TNS3: variants seen among roughly 807,000 people sequenced by gnomAD.
TNS3 encodes the protein tensin 3.
Under a neutral mutation model 140.9 loss-of-function variants are expected in TNS3, and 45 were observed. The ratio of observed to expected loss-of-function variants is 0.32; its 90% CI spans 0.25 to 0.41. The LOEUF is 0.41. Among genes scored for constraint, TNS3 ranks in the 10% least tolerant of loss-of-function variants. The probability of loss-of-function intolerance (pLI) is 1.00; values close to 1 mark genes in which losing one functional copy is unlikely to be tolerated. For synonymous variants in TNS3, 815 were observed against 788.4 expected (o/e 1.03, Z -0.56); for missense variants, 1,716 against 1,906.7 (o/e 0.90, Z 1.86).
intron 1 of TNS3, among the ~76,000 whole-genome samples, chr7:47,564,648 A>AC (rs1349376184): frequency 0.067 from 1,180 of 17,510 alleles, 26 homozygotes; most frequent in African/African-American, 0.11. Context: ...AAAAAAAAAA[A>AC]ACAAAAAAAA....
chr7:47,519,015 TA>T (rs1798874621), intron 2 of TNS3, among the ~76,000 whole-genome samples: 1 of 152,212 alleles, frequency 6.6e-6, no homozygotes, highest in South Asian at 2.1e-4. Flanking sequence ...AGAGTCCTTT[TA>T]CGTCCCTTGA....
chr7:47,573,342 C>G (rs912561472), intron 1 of TNS3, among the ~76,000 whole-genome samples: 1 of 152,222 alleles, frequency 6.6e-6, no homozygotes, highest in African/African-American at 2.4e-5. Flanking sequence ...ACCTCCCACC[C>G]TGGGGACACC....
At chr7:47,322,213 C>CAAA (rs759875153) in intron 20 of TNS3, among the ~76,000 whole-genome samples, 1,256 of 49,878 alleles carry the variant, frequency 0.025, 124 homozygotes, top group African/African-American at 0.093. Context: ...GTAGAACGGG[C>CAAA]AAAAAAAAAA....
At chr7:47,384,332 C>T (rs942649689) in intron 16 of TNS3, among the ~76,000 whole-genome samples, 2 of 152,242 alleles carry the variant, frequency 1.3e-5, no homozygotes, top group Non-Finnish European at 2.9e-5. Context: ...AGAACACTTT[C>T]ACCCAAAACT....
At chr7:47,398,608 G>C (rs894717487) in intron 15 of TNS3, among the ~76,000 whole-genome samples, 4 of 152,076 alleles carry the variant, frequency 2.6e-5, no homozygotes, top group Admixed American at 2.6e-4. Flanking sequence ...AAAGGCATTC[G>C]ATAAAATCTA....
chr7:47,342,556 T>C (rs567191780), intron 20 of TNS3, among the ~76,000 whole-genome samples: 2 of 152,378 alleles, frequency 1.3e-5, no homozygotes, highest in Middle Eastern at 3.4e-3. Flanking sequence ...ATGTGCTTTT[T>C]AGTTGTGACA....
At chr7:47,578,559 T>TGG (rs142627982) in intron 1 of TNS3, among the ~76,000 whole-genome samples, 2 of 107,868 alleles carry the variant, frequency 1.9e-5, no homozygotes, top group East Asian at 2.9e-4. Context: ...GGCAGGGGGT[T>TGG]GGGGGGGGGC....
chr7:47,537,966 A>ACCCCCCCCCCCCCCCCCCCCCCCCC (rs113842617), intron 1 of TNS3, among the ~76,000 whole-genome samples: 12 of 126,212 alleles, frequency 9.5e-5, no homozygotes, highest in Admixed American at 2.5e-4. Flanking sequence ...CCCTCACCGC[A>ACCCCCCCCCCCCCCCCCCCCCCCCC]CCCCCCCCAC....
intron 2 of TNS3, among the ~76,000 whole-genome samples, chr7:47,514,519 C>A (rs1167774629): frequency 6.6e-6 from 1 of 152,108 alleles, no homozygotes; most frequent in South Asian, 2.1e-4. Flanking sequence ...TCTTACAAAA[C>A]TCCCTTCATC....
chr7:47,394,363 G>A (rs10267539), intron 16 of TNS3, among the ~76,000 whole-genome samples: 62,780 of 152,068 alleles, frequency 0.41, 13,336 homozygotes, highest in East Asian at 0.65. Flanking sequence ...TCACCACCAC[G>A]TGGAGACACA....
At chr7:47,351,179 C>T (rs912941471) in intron 17 of TNS3, among the ~76,000 whole-genome samples, 3 of 152,138 alleles carry the variant, frequency 2.0e-5, no homozygotes, top group Non-Finnish European at 4.4e-5. Context: ...CCCTAAATCC[C>T]GTTCTAATTT....
chr7:47,483,678 C>T (rs763872398), intron 3 of TNS3, among the ~76,000 whole-genome samples: 7 of 152,196 alleles, frequency 4.6e-5, no homozygotes, highest in Non-Finnish European at 8.8e-5. Context: ...CCCTCTGTGG[C>T]CAGATGGGGT....
chr7:47,358,699 T>C (rs1790147127), intron 17 of TNS3, among the ~76,000 whole-genome samples: 2 of 152,170 alleles, frequency 1.3e-5, no homozygotes, highest in South Asian at 2.1e-4. Context: ...ATGAGGCCCA[T>C]GTCAAGCCAC....
chr7:47,347,795 T>C lies in TNS3; in HGVS notation c.2282-1439A>G, dbSNP rs143337409. Among the ~76,000 whole-genome samples, 1,254 of 152,302 alleles carry C rather than the reference T, an allele frequency of 8.2e-3. 26 individuals carry two copies. Among genetic ancestry groups the C allele is most frequent in the Middle Eastern group, 0.01 (3 of 294 alleles). On this transcript the variant is annotated intron_variant, in intron 17 of 30. Transcript: ENST00000311160. ...AAGAAGTGTGCGTTAGGACCTGGGA[T>C]TTGGGGTCTCACGTGTATCCCTCAC...
In TNS3 at chr7:47,275,883, T is replaced by G. The variant is rs565977213; in HGVS notation, c.*2193A>C. The G allele has an allele frequency of 2.2e-6, 1 of 455,942 alleles. No individual in the cohort carries two copies. The highest frequency in any genetic ancestry group is 2.3e-5 in the Admixed American group (1 of 42,566). 28.2% of individuals were successfully genotyped at this position (455,942 alleles called of 1,614,324 possible). A position where few individuals can be genotyped will look rare whatever the true frequency, so the allele number is the denominator to read the frequency against. ...GGGCCATCGCGGGCACCCCGATGTC[T>G]CTGTGATTCCCTGGCAGGCTGCGTT... On this transcript the variant is annotated 3_prime_UTR_variant, in exon 31 of 31. Coordinates refer to ENST00000311160, the MANE Select transcript of TNS3 (RefSeq NM_022748.12).
In TNS3 at chr7:47,303,435, G is replaced by A. The variant is rs748250472; in HGVS notation, c.2972C>T (p.Ser991Leu). The stretch of plus-strand genomic sequence containing the variant: ...GCTGTGGAAAGGAGCCTGGAGCTCT[G>A]ACGGCGGGAAGCAGGACAGCACTGG... Reference protein sequence around the residue: ...DSPVLSCFPPSELQAPFHSHE... With the variant: ...DSPVLSCFPPLELQAPFHSHE... The change falls in exon 22 of 31, where the codon TCA becomes TTA. Residue 991 changes from serine (S) to leucine (L), a missense_variant. By Grantham distance (145) the Ser-to-Leu change is moderately radical. Transcript: ENST00000311160. 1.2e-6 allele frequency: 2 copies of A among 1,613,446 alleles called. No individual in the cohort carries two copies. The highest frequency in any genetic ancestry group is 1.7e-6 in the Non-Finnish European group (2 of 1,180,016).
At chr7:47,301,249 G>A (rs1584348719) in intron 23 of TNS3, among the ~76,000 whole-genome samples, 2 of 152,126 alleles carry the variant, frequency 1.3e-5, no homozygotes, top group East Asian at 1.9e-4. Flanking sequence ...GGTGGCCACC[G>A]GGATTCACTT....
chr7:47,353,032 C>T (rs560291384), intron 17 of TNS3, among the ~76,000 whole-genome samples: 4 of 152,280 alleles, frequency 2.6e-5, no homozygotes, highest in Non-Finnish European at 4.4e-5. Flanking sequence ...TTTCCTCAGG[C>T]GGTTCATTTG....
intron 20 of TNS3, among the ~76,000 whole-genome samples, chr7:47,338,950 TTCCC>T: frequency 6.6e-6 from 1 of 152,220 alleles, no homozygotes; most frequent in Non-Finnish European, 1.5e-5. Context: ...CTAATTCACA[TTCCC>T]TCCAACAGTG....
Sources: allele counts gnomAD v4.1 joint callset (sites outside exome capture counted in the v4.1 genomes callset), GRCh38; gene constraint gnomAD v4.1.1; transcripts MANE v1.5; gene names NCBI Gene and HGNC (gene_info 2026-07-23, HGNC 2026-07-21).